The following CSNK1G1 variants were observed in gnomAD, a reference collection of about 807,000 sequenced individuals.
The protein encoded by CSNK1G1 is casein kinase I isoform gamma-1.
Under a neutral mutation model 59.6 loss-of-function variants are expected in CSNK1G1, and 22 were observed. The observed-to-expected ratio is 0.37, with a 90% CI of 0.26 to 0.53. The LOEUF (loss-of-function observed/expected upper bound fraction) is 0.53. Ranked by LOEUF, CSNK1G1 falls within the 20% of genes least tolerant of loss-of-function variation. CSNK1G1 has a pLI of 0.89. For missense variants in CSNK1G1, 384 were observed against 519.5 expected (o/e 0.74, Z 2.54); for synonymous variants, 179 against 177.1 (o/e 1.01, Z -0.08).
chr15:64,210,936 C>G lies in CSNK1G1; in HGVS notation c.679+2954G>C, dbSNP rs1596099837. Reference sequence around the variant, plus strand: ...GGTTGGTGAGAAGAGCCTAGCACCCCCCTTCCCATGTGATCTGCACATGCT... The same window carrying G: ...GGTTGGTGAGAAGAGCCTAGCACCCGCCTTCCCATGTGATCTGCACATGCT... On this transcript the variant is annotated intron_variant, in intron 6 of 11. Coordinates refer to ENST00000303052, the MANE Select transcript of CSNK1G1 (RefSeq NM_022048.5). This position sits in a 1 kb window ranked among gnomAD's most constrained non-coding sequence, Gnocchi z 4.2. Among the ~76,000 whole-genome samples the G allele has an allele frequency of 6.6e-6, 1 of 152,136 alleles. No homozygotes were observed. Among genetic ancestry groups the G allele is most frequent in the Non-Finnish European group, 1.5e-5 (1 of 68,024 alleles).
chr15:64,211,681 AT>A (rs1168577916), intron 6 of CSNK1G1, among the ~76,000 whole-genome samples: 1 of 152,244 alleles, frequency 6.6e-6, no homozygotes, highest in African/African-American at 2.4e-5. Context: ...TATTACAGGC[AT>A]AATTATCATA....
At chr15:64,225,882 C>T (rs111963550) in intron 4 of CSNK1G1, among the ~76,000 whole-genome samples, 6,727 of 152,306 alleles carry the variant, frequency 0.044, 195 homozygotes, top group South Asian at 0.085. Context: ...CTGCCTCGGC[C>T]TCCCGAAGTG....
At chr15:64,289,140 A>G (rs927780591) in intron 2 of CSNK1G1, among the ~76,000 whole-genome samples, 3 of 151,268 alleles carry the variant, frequency 2.0e-5, no homozygotes, top group Admixed American at 1.3e-4. Context: ...AGATTGCAAC[A>G]CTGCACTCCA....
chr15:64,278,416 GTGTATATATATA>G (rs1566930971), intron 2 of CSNK1G1, among the ~76,000 whole-genome samples: 7 of 98,506 alleles, frequency 7.1e-5, no homozygotes, highest in African/African-American at 3.3e-4. Context: ...GTGTGTGTGT[GTGTATATATATA>G]TATATTTTTT....
At chr15:64,310,416 TAAA>T (rs879455459) in intron 1 of CSNK1G1, among the ~76,000 whole-genome samples, 1 of 144,672 alleles carries the variant, frequency 6.9e-6, no homozygotes, top group African/African-American at 2.5e-5. Flanking sequence ...AATAACTGTT[TAAA>T]AAAAAAAAAG....
chr15:64,271,013 C>G (rs1247810469), intron 2 of CSNK1G1, among the ~76,000 whole-genome samples: 1 of 152,010 alleles, frequency 6.6e-6, no homozygotes, highest in Admixed American at 6.6e-5. Flanking sequence ...GACAGAGTCT[C>G]GCTCTGTCTC....
intron 10 of CSNK1G1, among the ~76,000 whole-genome samples, chr15:64,196,187 A>C (rs1391328127): frequency 6.6e-6 from 1 of 152,198 alleles, no homozygotes; most frequent in Non-Finnish European, 1.5e-5. Context: ...ACTACACTCT[A>C]TCCTGAGAGG....
chr15:64,280,325 C>T (rs1177844482), intron 2 of CSNK1G1, among the ~76,000 whole-genome samples: 1 of 151,812 alleles, frequency 6.6e-6, no homozygotes, highest in Non-Finnish European at 1.5e-5. Context: ...ATATAACAAT[C>T]GTCACTGACC....
In CSNK1G1 at chr15:64,166,294, T is replaced by C. The variant is rs2081602379; in HGVS notation, c.*5637A>G. 6.0e-6 allele frequency: 2 copies of C among 335,308 alleles called. No homozygotes were observed. Among genetic ancestry groups the C allele is most frequent in the South Asian group, 1.4e-4 (1 of 7,148 alleles). The allele number at this position is 335,308 out of a possible 1,614,324, so 20.8% of individuals were successfully genotyped here. A position where few individuals can be genotyped will look rare whatever the true frequency, so the allele number is the denominator to read the frequency against. On this transcript the variant is annotated 3_prime_UTR_variant, in exon 12 of 12. Transcript: ENST00000303052. The surrounding 1 kb of genome is among the most constrained non-coding windows in gnomAD (Gnocchi z 4.5). ...GAGCATGTAATACATCCTATGGGAA[T>C]TGCTGAATCAACATTATTTTCCATT...
In CSNK1G1 at chr15:64,350,340, A is replaced by G. The variant is rs193285720; in HGVS notation, c.-225+5648T>C. Among the ~76,000 whole-genome samples, 281 of 152,130 alleles carry G rather than the reference A, an allele frequency of 1.8e-3. 1 individual carries two copies. The highest frequency in any genetic ancestry group is 6.8e-3 in the Middle Eastern group (2 of 294). ...AACCCCGTCTCTACTAAAAATACAA[A>G]AAGAAAAAAAATTAGCCGGGTGTGG... On this transcript the variant is annotated intron_variant, in intron 1 of 11. Coordinates refer to ENST00000303052, the MANE Select transcript of CSNK1G1 (RefSeq NM_022048.5).
intron 2 of CSNK1G1, among the ~76,000 whole-genome samples, chr15:64,279,971 C>CAA (rs1226598947): frequency 1.5e-4 from 14 of 91,820 alleles, no homozygotes; most frequent in African/African-American, 5.3e-4. Context: ...GACTCCATCT[C>CAA]AAAAAAAAAA....
At chr15:64,268,302 G>A (rs1290092429) in intron 2 of CSNK1G1, among the ~76,000 whole-genome samples, 1 of 152,144 alleles carries the variant, frequency 6.6e-6, no homozygotes, top group African/African-American at 2.4e-5. Context: ...CAGAATGGTG[G>A]TTATCAGAGG....
At chr15:64,207,730 G>T in intron 6 of CSNK1G1, 136 bp from the exon 7 acceptor site, 1 of 639,256 alleles carries the variant, frequency 1.6e-6, no homozygotes, top group Non-Finnish European at 2.8e-6. Flanking sequence ...TTTAAACCAA[G>T]GATAGTATTT....
chr15:64,220,813 C>CA (rs1277009270), intron 4 of CSNK1G1, among the ~76,000 whole-genome samples: 1 of 152,124 alleles, frequency 6.6e-6, no homozygotes, highest in Non-Finnish European at 1.5e-5. Flanking sequence ...CTTGGCCTCC[C>CA]AAAGTGCTGG....
intron 2 of CSNK1G1, among the ~76,000 whole-genome samples, chr15:64,277,628 T>C (rs933392254): frequency 4.4e-5 from 6 of 136,182 alleles, no homozygotes; most frequent in Non-Finnish European, 9.4e-5. Context: ...ATATTTAATA[T>C]ATTAATATTA....
chr15:64,241,308 A>G (rs2082690919), intron 4 of CSNK1G1, among the ~76,000 whole-genome samples: 1 of 152,218 alleles, frequency 6.6e-6, no homozygotes, highest in African/African-American at 2.4e-5. Flanking sequence ...GCAATAGGAT[A>G]TAACCAATTG....
chr15:64,236,285 T>C (rs1328352886), intron 4 of CSNK1G1, among the ~76,000 whole-genome samples: 1 of 152,158 alleles, frequency 6.6e-6, no homozygotes, highest in African/African-American at 2.4e-5. Flanking sequence ...AAATCTTCAG[T>C]CCTCAAAATG....
At chr15:64,219,748 C>T (rs2082360781) in intron 4 of CSNK1G1, among the ~76,000 whole-genome samples, 1 of 151,744 alleles carries the variant, frequency 6.6e-6, no homozygotes. Context: ...GATGCCTCTC[C>T]CCTTCTTTTT....
At chr15:64,311,366 C>T (rs897230368) in intron 1 of CSNK1G1, among the ~76,000 whole-genome samples, 1 of 152,172 alleles carries the variant, frequency 6.6e-6, no homozygotes, top group Admixed American at 6.5e-5. Context: ...TTTTAAAATA[C>T]TACTTCTACA....
Sources: gnomAD v4.1 joint callset for allele counts (sites outside exome capture counted in the v4.1 genomes callset) on GRCh38, gnomAD v4.1.1 for gene constraint, Gnocchi (gnomAD v3.1) non-coding constraint, MANE v1.5 for transcripts, NCBI Gene and HGNC (gene_info 2026-07-23, HGNC 2026-07-21) for gene names.